Variants in DOCK3 observed in about 807,000 individuals in gnomAD.
DOCK3 encodes dedicator of cytokinesis 3.
DOCK3 carries 60 observed loss-of-function variants against 265.6 expected under a neutral mutation model. The observed-to-expected ratio is 0.23, with a 90% CI of 0.18 to 0.28. The LOEUF is 0.28. DOCK3 is among the 10% of genes least tolerant of loss of function. The pLI, the probability that DOCK3 is intolerant of heterozygous loss-of-function variation, is 1.00. For synonymous variants in DOCK3, 881 were observed against 938.0 expected, an observed-to-expected ratio of 0.94 and a Z score of 1.11; for missense variants, 1,981 against 2,594.3, an observed-to-expected ratio of 0.76 and a Z score of 5.14.
chr3:51,209,464 T>C (rs2089393452), intron 13 of DOCK3, among the ~76,000 whole-genome samples: 1 of 152,268 alleles, frequency 6.6e-6, no homozygotes, highest in Non-Finnish European at 1.5e-5. Context: ...TATATTGTTT[T>C]CTAAGTTCAT....
chr3:50,798,243 C>G lies in DOCK3; in HGVS notation c.121+19485C>G, dbSNP rs113324946. 4.6e-5 allele frequency among the ~76,000 whole-genome samples: 7 copies of G among 152,284 alleles called. 2 individuals are homozygous for G. Among genetic ancestry groups the G allele is most frequent in the African/African-American group, 1.7e-4 (7 of 41,548 alleles). On this transcript the variant is annotated intron_variant, in intron 2 of 52. Coordinates refer to ENST00000266037, the MANE Select transcript of DOCK3 (RefSeq NM_004947.5). ...AGTCATACTTCACAGAGAAAAAGAG[C>G]AAAATGTAGAGAAAAACCAGGTCTC...
At chr3:51,174,071 C>T (rs775378096) in intron 12 of DOCK3, among the ~76,000 whole-genome samples, 5 of 152,052 alleles carry the variant, frequency 3.3e-5, no homozygotes, top group Admixed American at 6.6e-5. Context: ...AGTCTGCTGT[C>T]GAAGCTTTCT....
In DOCK3 at chr3:51,348,910, A is replaced by G. The variant is rs1238121496; in HGVS notation, c.3974A>G (p.Tyr1325Cys). The G allele has an allele frequency of 1.9e-6, 3 of 1,581,682 alleles. No individual in the cohort carries two copies. The highest frequency in any genetic ancestry group is 1.2e-5 in the South Asian group (1 of 86,144). Residue 1325 changes from tyrosine (Y) to cysteine (C), a missense_variant, in exon 39 of 53, where the codon TAT (tyrosine) becomes TGT (cysteine). Tyr to Cys is a radical substitution (Grantham distance 194). Around this residue, in one of 4 missense-constraint regions of DOCK3, gnomAD observed 1,357 missense variants for 1,866.8 expected, o/e 0.73. Coordinates refer to ENST00000266037, the MANE Select transcript of DOCK3 (RefSeq NM_004947.5). Reference protein sequence around the residue: ...RELACQYESLYDYQSLSWIRK... With the variant: ...RELACQYESLCDYQSLSWIRK... Reference sequence around the variant, plus strand: ...CTGGCGTGTCAGTACGAGAGCCTCTATGATTACCAGAGCCTCAGCTGGATT... The same window carrying G: ...CTGGCGTGTCAGTACGAGAGCCTCTGTGATTACCAGAGCCTCAGCTGGATT...
intron 1 of DOCK3, among the ~76,000 whole-genome samples, chr3:50,731,495 G>T (rs2038205895): frequency 6.6e-6 from 1 of 152,294 alleles, no homozygotes; most frequent in Non-Finnish European, 1.5e-5. Context: ...AGGGGAAAGG[G>T]TATATGAGAA....
intron 9 of DOCK3, among the ~76,000 whole-genome samples, chr3:51,110,095 C>T (rs2083452066): frequency 6.6e-6 from 1 of 152,080 alleles, no homozygotes; most frequent in Admixed American, 6.6e-5. Flanking sequence ...CATACACCCT[C>T]CCAAGACTGA....
At chr3:51,101,692 A>G (rs1463990242) in intron 9 of DOCK3, among the ~76,000 whole-genome samples, 1 of 152,232 alleles carries the variant, frequency 6.6e-6, no homozygotes, top group African/African-American at 2.4e-5. Flanking sequence ...TCAAATGAAC[A>G]AATGACTTAT....
At chr3:50,778,632 T>C in intron 1 of DOCK3, 43 bp from the exon 2 acceptor site, 1 of 1,436,314 alleles carries the variant, frequency 7.0e-7, no homozygotes, top group Non-Finnish European at 9.6e-7. Context: ...CATGTCTCAG[T>C]GTTTAAAAAT....
At chr3:51,257,315 A>T (rs560756709) in intron 22 of DOCK3, among the ~76,000 whole-genome samples, 4 of 152,144 alleles carry the variant, frequency 2.6e-5, no homozygotes, top group Admixed American at 2.0e-4. Context: ...TCCTGGCCTG[A>T]TACTTCTCAT....
intron 32 of DOCK3, among the ~76,000 whole-genome samples, chr3:51,327,676 C>CTTTT (rs563361812): frequency 1.5e-4 from 19 of 124,200 alleles, no homozygotes; most frequent in Non-Finnish European, 2.2e-4. Context: ...CCATCACCAG[C>CTTTT]TTTTTTTTTT....
At position 50,810,363 on chromosome 3, in the gene DOCK3, C is replaced by T. The variant is rs558497311; in HGVS notation, c.122-31312C>T. ...GTCAGGAGTTTGAGACCAGCCTGGC[C>T]AACATGGTGAAACCCTGTCTCTACT... On this transcript the variant is annotated intron_variant, in intron 2 of 52. Coordinates refer to ENST00000266037, the MANE Select transcript of DOCK3 (RefSeq NM_004947.5). Among the ~76,000 whole-genome samples, 176 of 152,080 alleles carry T rather than the reference C, an allele frequency of 1.2e-3. 1 individual carries two copies. Among genetic ancestry groups the T allele is most frequent in the Middle Eastern group, 3.4e-3 (1 of 294 alleles).
At chr3:50,923,594 A>G (rs1213122577) in intron 4 of DOCK3, among the ~76,000 whole-genome samples, 2 of 152,212 alleles carry the variant, frequency 1.3e-5, no homozygotes, top group Non-Finnish European at 2.9e-5. Flanking sequence ...TGGGGAAACA[A>G]TCACTGGGGA....
At chr3:50,910,981 G>A (rs2049822771) in intron 4 of DOCK3, among the ~76,000 whole-genome samples, 1 of 149,244 alleles carries the variant, frequency 6.7e-6, no homozygotes, top group African/African-American at 2.5e-5. Context: ...ATCTTGCTAT[G>A]CCTTCCCTCA....
At chr3:51,266,519 A>G (rs558127955) in intron 23 of DOCK3, among the ~76,000 whole-genome samples, 1 of 152,290 alleles carries the variant, frequency 6.6e-6, no homozygotes, top group East Asian at 1.9e-4. Flanking sequence ...CTCAGAAATA[A>G]CACCACACAT....
At chr3:50,797,533 C>T (rs139146344) in intron 2 of DOCK3, among the ~76,000 whole-genome samples, 1 of 152,304 alleles carries the variant, frequency 6.6e-6, no homozygotes, top group East Asian at 1.9e-4. Flanking sequence ...TAAATGTCAG[C>T]ACTGCAGAGG....
At chr3:51,351,009 T>C (rs2085938956) in intron 40 of DOCK3, among the ~76,000 whole-genome samples, 1 of 152,198 alleles carries the variant, frequency 6.6e-6, no homozygotes, top group African/African-American at 2.4e-5. Context: ...TACCGTTCCC[T>C]GGCAGGCTGA....
chr3:51,019,968 G>T (rs1009517049), intron 5 of DOCK3, among the ~76,000 whole-genome samples: 1 of 151,870 alleles, frequency 6.6e-6, no homozygotes, highest in South Asian at 2.1e-4. Flanking sequence ...ATAATAGAAT[G>T]ATTTCTGTTC....
At chr3:51,238,721 G>T (rs1404446498) in intron 21 of DOCK3, among the ~76,000 whole-genome samples, 1 of 152,060 alleles carries the variant, frequency 6.6e-6, no homozygotes. Context: ...TTGGTTTTCT[G>T]TTGCTGTGTT....
intron 25 of DOCK3, among the ~76,000 whole-genome samples, chr3:51,275,771 CCT>C (rs1014183098): frequency 1.6e-4 from 24 of 152,204 alleles, no homozygotes; most frequent in Admixed American, 9.8e-4. Context: ...CATTTTCTTT[CCT>C]CTCTATTTTT....
chr3:51,280,046 T>C (rs544406915), intron 26 of DOCK3, 60 bp from the exon 27 acceptor site: 17 of 1,399,376 alleles, frequency 1.2e-5, no homozygotes, highest in South Asian at 7.3e-5. Flanking sequence ...CCTCTATGGA[T>C]TGGGGGAACA....
Sources: gnomAD v4.1 joint callset for allele counts (sites outside exome capture counted in the v4.1 genomes callset) on GRCh38, gnomAD v4.1.1 for gene constraint, gnomAD v4.1.1 regional missense constraint, MANE v1.5 for transcripts, NCBI Gene and HGNC (gene_info 2026-07-23, HGNC 2026-07-21) for gene names.